ROBO1: variants seen among roughly 807,000 people sequenced by gnomAD.
ROBO1 encodes roundabout homolog 1.
ROBO1 carries 149 observed loss-of-function variants against 195.9 expected under a neutral mutation model. The ratio of observed to expected loss-of-function variants is 0.76; its 90% confidence interval spans 0.67 to 0.87. ROBO1 has a LOEUF of 0.87. Ranked by LOEUF, ROBO1 falls within the 40% of genes least tolerant of loss-of-function variation. The probability of loss-of-function intolerance (pLI) is 0.00; values close to 1 mark genes in which losing one functional copy is unlikely to be tolerated. For synonymous variants in ROBO1, 816 were observed against 733.2 expected (o/e 1.11, Z -1.82); for missense variants, 1,933 against 2,068.3 (o/e 0.93, Z 1.27).
intron 3 of ROBO1, among the ~76,000 whole-genome samples, chr3:79,001,222 G>T (rs1230118101): frequency 1.3e-5 from 2 of 151,980 alleles, no homozygotes; most frequent in Non-Finnish European, 2.9e-5. Flanking sequence ...AAACCACCAT[G>T]GCACATGTAT....
chr3:79,685,858 CTAA>C (rs1947089912), intron 1 of ROBO1, among the ~76,000 whole-genome samples: 1 of 152,162 alleles, frequency 6.6e-6, no homozygotes, highest in South Asian at 2.1e-4. Flanking sequence ...GGAATCTTCC[CTAA>C]CTCATTTTAT....
chr3:79,433,559 C>T lies in ROBO1; in HGVS notation c.88+156265G>A, dbSNP rs141889078. On this transcript the variant is annotated intron_variant, in intron 2 of 30. Coordinates refer to ENST00000464233, the MANE Select transcript of ROBO1 (RefSeq NM_002941.4). ...CTACAGGTGTGCACCACCAGACCCA[C>T]CTAATTAAAACAAGGTTCCATGTTC... Among the ~76,000 whole-genome samples, 7 of 151,944 alleles carry T rather than the reference C, an allele frequency of 4.6e-5. No homozygotes were observed. The East Asian group carries it at 5.8e-4, about 13-fold the overall frequency.
At chr3:78,666,470 G>A (rs1467897471) in intron 14 of ROBO1, among the ~76,000 whole-genome samples, 1 of 152,190 alleles carries the variant, frequency 6.6e-6, no homozygotes, top group Non-Finnish European at 1.5e-5. Context: ...TTCAGTTAGA[G>A]TCTACTGGCT....
At chr3:79,377,188 A>G (rs944143271) in intron 2 of ROBO1, among the ~76,000 whole-genome samples, 4 of 152,192 alleles carry the variant, frequency 2.6e-5, no homozygotes, top group Non-Finnish European at 5.9e-5. Context: ...TTATTAAAAA[A>G]GAAAAAAAGA....
chr3:78,852,412 T>C (rs1576290733), intron 4 of ROBO1, among the ~76,000 whole-genome samples: 2 of 152,292 alleles, frequency 1.3e-5, no homozygotes, highest in Non-Finnish European at 1.5e-5. Context: ...TCTTATTAAA[T>C]ATACTTCCAG....
chr3:79,765,864 A>G (rs1335995305), intron 1 of ROBO1, among the ~76,000 whole-genome samples: 2 of 152,116 alleles, frequency 1.3e-5, no homozygotes, highest in African/African-American at 2.4e-5. Context: ...GCCCGGGTTG[A>G]CAAGCAACCT....
intron 5 of ROBO1, among the ~76,000 whole-genome samples, chr3:78,743,966 T>C (rs2082595148): frequency 6.6e-6 from 1 of 152,192 alleles, no homozygotes; most frequent in African/African-American, 2.4e-5. Context: ...TGAGTACTTG[T>C]ATGCCTACCA....
intron 2 of ROBO1, among the ~76,000 whole-genome samples, chr3:79,557,743 A>ATATATATAT (rs1553764429): frequency 2.3e-5 from 3 of 130,836 alleles, no homozygotes; most frequent in African/African-American, 6.1e-5. Flanking sequence ...AACAAAAAAA[A>ATATATATAT]ATATATATAT....
intron 29 of ROBO1, among the ~76,000 whole-genome samples, chr3:78,603,698 G>A (rs1703305622): frequency 6.6e-6 from 1 of 152,020 alleles, no homozygotes. Context: ...TATAAACAAT[G>A]TAAACTGAAT....
chr3:79,556,013 T>G (rs546133180), intron 2 of ROBO1, among the ~76,000 whole-genome samples: 1 of 152,274 alleles, frequency 6.6e-6, no homozygotes, highest in Non-Finnish European at 1.5e-5. Flanking sequence ...CTCTAAGAAT[T>G]AATATTATTG....
intron 2 of ROBO1, among the ~76,000 whole-genome samples, chr3:79,184,852 A>C (rs2081409490): frequency 6.6e-6 from 1 of 152,136 alleles, no homozygotes; most frequent in African/African-American, 2.4e-5. Context: ...GAGCTCCATG[A>C]GCCAGACTGA....
chr3:78,819,223 T>G (rs772743739), intron 4 of ROBO1, among the ~76,000 whole-genome samples: 1 of 152,156 alleles, frequency 6.6e-6, no homozygotes, highest in Non-Finnish European at 1.5e-5. Flanking sequence ...CATAGTGTAT[T>G]TGATGCACAT....
intron 1 of ROBO1, among the ~76,000 whole-genome samples, chr3:79,693,164 G>T (rs1332265925): frequency 6.6e-6 from 1 of 151,572 alleles, no homozygotes; most frequent in African/African-American, 2.4e-5. Context: ...AATGATAAGT[G>T]TACGAGATAA....
intron 2 of ROBO1, among the ~76,000 whole-genome samples, chr3:79,136,616 C>T (rs1049506824): frequency 2.0e-5 from 3 of 152,014 alleles, no homozygotes; most frequent in Non-Finnish European, 2.9e-5. Context: ...TAATTAGAAA[C>T]GTAGGCAATG....
At chr3:78,779,685 G>A (rs1352375313) in intron 4 of ROBO1, among the ~76,000 whole-genome samples, 1 of 152,124 alleles carries the variant, frequency 6.6e-6, no homozygotes, top group Non-Finnish European at 1.5e-5. Flanking sequence ...CAACCATTGT[G>A]GAAGACTGTG....
At chr3:79,707,282 C>T (rs1947801560) in intron 1 of ROBO1, among the ~76,000 whole-genome samples, 1 of 152,088 alleles carries the variant, frequency 6.6e-6, no homozygotes, top group African/African-American at 2.4e-5. Flanking sequence ...ATTCGTGGGC[C>T]TAGAGTTATT....
chr3:79,758,536 C>T (rs1704528530), intron 1 of ROBO1, among the ~76,000 whole-genome samples: 1 of 152,104 alleles, frequency 6.6e-6, no homozygotes, highest in Non-Finnish European at 1.5e-5. Context: ...CTTATTCAAA[C>T]ACGAATGAGA....
intron 4 of ROBO1, among the ~76,000 whole-genome samples, chr3:78,857,878 T>C (rs1318691624): frequency 6.6e-6 from 1 of 152,208 alleles, no homozygotes; most frequent in Non-Finnish European, 1.5e-5. Context: ...TCAGTATTAC[T>C]TTCTAGAAGG....
chr3:78,913,971 G>C (rs906766528), intron 4 of ROBO1, among the ~76,000 whole-genome samples: 3 of 152,090 alleles, frequency 2.0e-5, no homozygotes, highest in Non-Finnish European at 1.5e-5. Context: ...CATTCATTGA[G>C]CACTAAGATT....
Sources: gnomAD v4.1 joint callset for allele counts (sites outside exome capture counted in the v4.1 genomes callset) on GRCh38, gnomAD v4.1.1 for gene constraint, MANE v1.5 for transcripts, NCBI Gene and HGNC (gene_info 2026-07-23, HGNC 2026-07-21) for gene names.